The following PLEK variants were observed in gnomAD, a reference collection of about 807,000 sequenced individuals.
The protein encoded by PLEK is platelet 47 kDa protein.
Under a neutral mutation model 43.9 loss-of-function variants are expected in PLEK, and 25 were observed. The observed-to-expected ratio is 0.57, with a 90% CI of 0.41 to 0.79. The LOEUF (loss-of-function observed/expected upper bound fraction) is 0.79, where lower values mean the gene tolerates loss of function less well. PLEK is among the 30% of genes least tolerant of loss of function. The pLI is 0.00. For synonymous variants in PLEK, 152 were observed against 144.4 expected (o/e 1.05, Z -0.38); for missense variants, 396 against 413.3 (o/e 0.96, Z 0.36).
intron 4 of PLEK, among the ~76,000 whole-genome samples, chr2:68,382,853 C>T (rs755575867): frequency 3.3e-5 from 5 of 152,150 alleles, no homozygotes; most frequent in Non-Finnish European, 7.4e-5. Flanking sequence ...TTCAAGTTAA[C>T]ATTTGTTCAA....
chr2:68,385,162 G>A (rs545317898), intron 4 of PLEK, among the ~76,000 whole-genome samples: 2 of 151,954 alleles, frequency 1.3e-5, no homozygotes, highest in African/African-American at 2.4e-5. Context: ...GTATTTATGG[G>A]GCACAATTAA....
intron 6 of PLEK, among the ~76,000 whole-genome samples, chr2:68,392,876 C>T (rs971501744): frequency 1.1e-5 from 1 of 88,180 alleles, no homozygotes; most frequent in African/African-American, 3.1e-5. Context: ...CATTACCTAA[C>T]ACAGCACATT....
chr2:68,395,978 T>G lies in PLEK; in HGVS notation c.*162T>G. 1 of 641,746 alleles carries G rather than the reference T, an allele frequency of 1.6e-6. No individual in the cohort carries two copies. Among genetic ancestry groups the G allele is most frequent in the Non-Finnish European group, 2.8e-6 (1 of 355,992 alleles). The allele number at this position is 641,746 out of a possible 1,614,324, so 39.8% of individuals were successfully genotyped here. ...GTAACTCACCATGTGGTGTGCAAGGTTCCCCTGCATTGTATTGCTCACTGC... is the reference window on the plus strand; with the variant it reads ...GTAACTCACCATGTGGTGTGCAAGGGTCCCCTGCATTGTATTGCTCACTGC... On this transcript the variant is annotated 3_prime_UTR_variant, in exon 9 of 9. Transcript: ENST00000234313.
At chr2:68,366,188 C>T (rs1673270404) in intron 1 of PLEK, among the ~76,000 whole-genome samples, 1 of 152,198 alleles carries the variant, frequency 6.6e-6, no homozygotes, top group South Asian at 2.1e-4. Flanking sequence ...TCACACTAAC[C>T]TTAGTGAGTG....
intron 5 of PLEK, chr2:68,388,128 G>A: frequency 2.6e-6 from 1 of 382,614 alleles, no homozygotes. Flanking sequence ...TACAGCTTGG[G>A]AGACCCTCCA....
At chr2:68,388,551 TAA>T in intron 6 of PLEK, 60 bp downstream of exon 6, 1 of 886,912 alleles carries the variant, frequency 1.1e-6, no homozygotes, top group Non-Finnish European at 1.9e-6. Flanking sequence ...TTTTTGTTTC[TAA>T]GTTACCCAGT....
At chr2:68,377,363 T>C (rs984389842) in intron 1 of PLEK, among the ~76,000 whole-genome samples, 2 of 152,192 alleles carry the variant, frequency 1.3e-5, no homozygotes, top group African/African-American at 4.8e-5. Flanking sequence ...TTCATAGTGT[T>C]TGTACTAATT....
chr2:68,389,650 A>G (rs796743924), intron 6 of PLEK, among the ~76,000 whole-genome samples: 118 of 152,304 alleles, frequency 7.7e-4, no homozygotes, highest in African/African-American at 2.6e-3. Flanking sequence ...TTTTAAGAGA[A>G]CAGTGTCCTA....
Position 68,380,436 on chromosome 2 carries a change from A to C in PLEK, c.151A>C (p.Lys51Gln), listed in dbSNP as rs748861964. ...DNSPKGMIPL[K>Q]GSTLTSPCQD... ...CAGCCCCAAAGGAATGATCCCGCTG[A>C]AAGGGAGCACTCTGACTAGCCCTTG... Residue 51 changes from lysine (K) to glutamine (Q), a missense_variant, in exon 2 of 9, where the codon AAA becomes CAA. Coordinates refer to ENST00000234313, the MANE Select transcript of PLEK (RefSeq NM_002664.3). 2 of 1,614,050 alleles carry C rather than the reference A, an allele frequency of 1.2e-6. No individual in the cohort carries two copies. The highest frequency in any genetic ancestry group is 2.2e-5 in the East Asian group (1 of 44,874).
At chr2:68,368,448 C>T (rs1438608480) in intron 1 of PLEK, among the ~76,000 whole-genome samples, 2 of 152,156 alleles carry the variant, frequency 1.3e-5, no homozygotes, top group Admixed American at 6.5e-5. Flanking sequence ...GATTCAAATC[C>T]CGGCCTGCCT....
intron 2 of PLEK, 93 bp from the exon 3 acceptor site, chr2:68,380,630 C>A: frequency 6.9e-7 from 1 of 1,454,768 alleles, no homozygotes; most frequent in Non-Finnish European, 9.4e-7. Context: ...TTTCTCTTGG[C>A]TAGAAGAGGT....
rs747244352 is a variant in PLEK, at chr2:68,396,525, A to C, written c.*709A>C. The C allele has an allele frequency of 1.3e-5, 2 of 151,918 alleles. No individual in the cohort carries two copies. Among genetic ancestry groups the C allele is most frequent in the Non-Finnish European group, 2.9e-5 (2 of 68,036 alleles). 9.4% of individuals were successfully genotyped at this position (151,918 alleles called of 1,614,324 possible). ...TGTCTTCTGGGAAAGAGACCTGGGG[A>C]GGCCAGGAGTAGCTGAGGGTCCTTT... On this transcript the variant is annotated 3_prime_UTR_variant, in exon 9 of 9. Coordinates refer to ENST00000234313, the MANE Select transcript of PLEK (RefSeq NM_002664.3).
intron 7 of PLEK, among the ~76,000 whole-genome samples, chr2:68,393,698 G>T (rs1233307005): frequency 6.6e-6 from 1 of 152,236 alleles, no homozygotes; most frequent in South Asian, 2.1e-4. Flanking sequence ...GACAACTCTG[G>T]GTAGGGTGCT....
At chr2:68,371,955 G>A (rs535436865) in intron 1 of PLEK, among the ~76,000 whole-genome samples, 2 of 152,166 alleles carry the variant, frequency 1.3e-5, no homozygotes, top group African/African-American at 2.4e-5. Context: ...TGCAGTTGAA[G>A]CAATCAATTA....
chr2:68,392,231 A>T (rs3770649), intron 6 of PLEK, among the ~76,000 whole-genome samples: 2 of 143,814 alleles, frequency 1.4e-5, no homozygotes, highest in South Asian at 4.3e-4. Context: ...TTCTTCCTTC[A>T]TCATGTCTGT....
Position 68,395,777 on chromosome 2 carries a change from G to T in PLEK, c.1014G>T (p.Trp338Cys), listed in dbSNP as rs752922262. ...QAATPKERTE[W>C]IRAIQMASRT... is the part of the protein sequence containing the mutation. ...CCACCCCCAAGGAGCGCACAGAGTG[G>T]ATCAGAGCCATCCAGATGGCCTCCC... The change falls in exon 9 of 9, where the codon TGG becomes TGT. Residue 338 changes from tryptophan (W) to cysteine (C), a missense_variant. Coordinates refer to ENST00000234313, the MANE Select transcript of PLEK (RefSeq NM_002664.3). 6.2e-7 allele frequency: 1 copy of T among 1,613,796 alleles called. No homozygotes were observed. The highest frequency in any genetic ancestry group is 1.1e-5 in the South Asian group (1 of 91,074).
chr2:68,372,412 G>C (rs78676950), intron 1 of PLEK, among the ~76,000 whole-genome samples: 2 of 152,082 alleles, frequency 1.3e-5, no homozygotes, highest in Non-Finnish European at 2.9e-5. Context: ...CTGGCCTCAA[G>C]TGATCCACCC....
At position 68,380,499 on chromosome 2, in the gene PLEK, G is replaced by A. The variant is rs770881275; in HGVS notation, c.198+16G>A. The A allele has an allele frequency of 1.2e-5, 19 of 1,611,108 alleles. No individual in the cohort carries two copies. Among genetic ancestry groups the A allele is most frequent in the Non-Finnish European group, 1.6e-5 (19 of 1,178,074 alleles). ...CAAAAGGATGGTAAGTTGACATCATGAGCTGCCGTGAACCCCTGGTCAGGC... is the reference window on the plus strand; with the variant it reads ...CAAAAGGATGGTAAGTTGACATCATAAGCTGCCGTGAACCCCTGGTCAGGC... On this transcript the variant is annotated intron_variant, in intron 2 of 8. Transcript: ENST00000234313.
chr2:68,366,079 T>A, intron 1 of PLEK, among the ~76,000 whole-genome samples: 1 of 152,198 alleles, frequency 6.6e-6, no homozygotes, highest in East Asian at 1.9e-4. Flanking sequence ...TTTCTTCGGA[T>A]GCTGAGTGTG....
Sources: allele counts gnomAD v4.1 joint callset (sites outside exome capture counted in the v4.1 genomes callset), GRCh38; gene constraint gnomAD v4.1.1; transcripts MANE v1.5; gene names NCBI Gene and HGNC (gene_info 2026-07-23, HGNC 2026-07-21).